PLA2G4A: variants seen among roughly 807,000 people sequenced by gnomAD.
PLA2G4A encodes the protein cytosolic phospholipase A2.
Under a neutral mutation model 81.9 loss-of-function variants are expected in PLA2G4A, and 40 were observed. The ratio of observed to expected loss-of-function variants is 0.49; its 90% CI spans 0.38 to 0.64. PLA2G4A has a LOEUF of 0.64. Among genes scored for constraint, PLA2G4A ranks in the 30% least tolerant of loss-of-function variants. The probability of loss-of-function intolerance (pLI) is 0.00; values close to 1 mark genes in which losing one functional copy is unlikely to be tolerated. For missense variants in PLA2G4A, 715 were observed against 905.1 expected (o/e 0.79, Z 2.69); for synonymous variants, 302 against 296.9 (o/e 1.02, Z -0.18).
rs115733525 is a variant in PLA2G4A at position 186,984,398 on chromosome 1, A to G, written c.2119-3979A>G. On this transcript the variant is annotated intron_variant, in intron 17 of 17. Transcript: ENST00000367466. ...ATGGTTTCCCAGTCTCACTTATTCAAATTATTAATTTGATAGGCATAGTCT... is the reference window on the plus strand; with the variant it reads ...ATGGTTTCCCAGTCTCACTTATTCAGATTATTAATTTGATAGGCATAGTCT... 6.5e-3 allele frequency among the ~76,000 whole-genome samples: 993 copies of G among 152,296 alleles called. 17 individuals carry two copies. The highest frequency in any genetic ancestry group is 0.023 in the African/African-American group (965 of 41,564).
At chr1:186,962,418 A>G (rs1459370730) in intron 14 of PLA2G4A, among the ~76,000 whole-genome samples, 1 of 152,052 alleles carries the variant, frequency 6.6e-6, no homozygotes, top group African/African-American at 2.4e-5. Context: ...TAAAATACAC[A>G]TATTAATGTG....
At chr1:186,900,131 G>A (rs185789220) in intron 5 of PLA2G4A, among the ~76,000 whole-genome samples, 2 of 152,176 alleles carry the variant, frequency 1.3e-5, no homozygotes, top group East Asian at 3.9e-4. Context: ...AGAGATGCTG[G>A]CACAACCTGC....
intron 1 of PLA2G4A, among the ~76,000 whole-genome samples, chr1:186,844,615 A>G (rs1172838372): frequency 6.6e-6 from 1 of 152,126 alleles, no homozygotes; most frequent in Non-Finnish European, 1.5e-5. Flanking sequence ...GCTGGGTCAA[A>G]TGGTATTTCT....
At chr1:186,957,220 T>C (rs1454804035) in intron 14 of PLA2G4A, among the ~76,000 whole-genome samples, 2 of 152,180 alleles carry the variant, frequency 1.3e-5, no homozygotes, top group East Asian at 3.8e-4. Flanking sequence ...CACAGTTCAG[T>C]TGCAGAAATT....
intron 3 of PLA2G4A, among the ~76,000 whole-genome samples, chr1:186,875,059 C>T (rs1164745343): frequency 6.6e-6 from 1 of 151,994 alleles, no homozygotes; most frequent in Non-Finnish European, 1.5e-5. Context: ...GATTTTGATT[C>T]TGTAGGTTTG....
At chr1:186,935,562 T>C (rs1330731947) in intron 8 of PLA2G4A, among the ~76,000 whole-genome samples, 1 of 151,634 alleles carries the variant, frequency 6.6e-6, no homozygotes, top group Non-Finnish European at 1.5e-5. Flanking sequence ...AGAAAAAGAC[T>C]CCTGCAGAGA....
intron 1 of PLA2G4A, among the ~76,000 whole-genome samples, chr1:186,845,037 C>T (rs1015562256): frequency 6.6e-6 from 1 of 151,980 alleles, no homozygotes; most frequent in Non-Finnish European, 1.5e-5. Flanking sequence ...TGGTGAAAAC[C>T]CATGTCTACT....
chr1:186,891,980 C>T (rs1654159696), intron 3 of PLA2G4A, among the ~76,000 whole-genome samples: 1 of 152,052 alleles, frequency 6.6e-6, no homozygotes, highest in Non-Finnish European at 1.5e-5. Context: ...TGGATATAAG[C>T]CATTTTATCC....
At chr1:186,970,185 T>A (rs1300923847) in intron 15 of PLA2G4A, among the ~76,000 whole-genome samples, 3 of 152,086 alleles carry the variant, frequency 2.0e-5, no homozygotes, top group Non-Finnish European at 2.9e-5. Context: ...TTTTTTCATA[T>A]TCCTGTTGGG....
chr1:186,862,138 A>T (rs1247963719), intron 2 of PLA2G4A, among the ~76,000 whole-genome samples: 1 of 151,036 alleles, frequency 6.6e-6, no homozygotes, highest in East Asian at 1.9e-4. Context: ...TTGCCTTTTT[A>T]TATATGAAGA....
chr1:186,938,968 G>T (rs764872489), intron 8 of PLA2G4A, 40 bp from the exon 9 acceptor site: 52 of 1,027,398 alleles, frequency 5.1e-5, no homozygotes, highest in Non-Finnish European at 6.2e-6. Flanking sequence ...GTTGTGTAAT[G>T]CTCTTTATCT....
chr1:186,865,666 AT>A (rs1247342764), intron 2 of PLA2G4A, among the ~76,000 whole-genome samples: 2 of 152,132 alleles, frequency 1.3e-5, no homozygotes, highest in Admixed American at 1.3e-4. Flanking sequence ...TGCATTCAGA[AT>A]CTACTTTATT....
intron 14 of PLA2G4A, among the ~76,000 whole-genome samples, chr1:186,957,824 T>C (rs922893706): frequency 2.0e-5 from 3 of 152,246 alleles, no homozygotes; most frequent in Admixed American, 1.3e-4. Context: ...CAATAATTTT[T>C]TGGTGATAAT....
intron 1 of PLA2G4A, among the ~76,000 whole-genome samples, chr1:186,850,519 GA>G (rs796495471): frequency 2.1e-4 from 1 of 4,812 alleles, no homozygotes; most frequent in East Asian, 3.7e-3. Context: ...TACAAGGTAA[GA>G]AGTCTTATAT....
In PLA2G4A at chr1:186,875,635, T is replaced by C. The variant is rs1189103487; in HGVS notation, c.115+5119T>C. 1.3e-5 allele frequency among the ~76,000 whole-genome samples: 2 copies of C among 152,208 alleles called. 1 individual carries two copies. The highest frequency in any genetic ancestry group is 4.1e-4 in the South Asian group (2 of 4,830). ...TACCTTCCACAAATAGTTTAATATATAATTCTCTTTCAGCTTAATTGGTGA... is the reference window on the plus strand; with the variant it reads ...TACCTTCCACAAATAGTTTAATATACAATTCTCTTTCAGCTTAATTGGTGA... On this transcript the variant is annotated intron_variant, in intron 3 of 17. Transcript: ENST00000367466.
chr1:186,980,781 G>T (rs1657696259), intron 17 of PLA2G4A, among the ~76,000 whole-genome samples: 1 of 150,956 alleles, frequency 6.6e-6, no homozygotes, highest in East Asian at 2.0e-4. Context: ...TTTAATTTTT[G>T]TAAATGTGTA....
chr1:186,940,084 G>A lies in PLA2G4A; in HGVS notation c.1023G>A (p.Leu341=). 1 of 1,563,122 alleles carries A rather than the reference G, an allele frequency of 6.4e-7. No homozygotes were observed. Among genetic ancestry groups the A allele is most frequent in the Non-Finnish European group, 8.8e-7 (1 of 1,133,532 alleles). ...CLHVKPDVSE[L]MFADWVEFSP... ...ATGTCAAACCTGACGTTTCAGAGCT[G>A]ATGTTTGCAGGTATGCTGTTTCCTT... Residue 341 remains leucine, a synonymous_variant, in exon 10 of 18, where the codon CTG becomes CTA. Transcript: ENST00000367466.
intron 7 of PLA2G4A, among the ~76,000 whole-genome samples, chr1:186,914,441 C>A (rs982280091): frequency 2.4e-4 from 36 of 148,082 alleles, no homozygotes; most frequent in Non-Finnish European, 4.8e-4. Flanking sequence ...TTTGTTTGGC[C>A]GGGAGCATCG....
At chr1:186,841,706 T>G (rs1427547493) in intron 1 of PLA2G4A, among the ~76,000 whole-genome samples, 1 of 152,074 alleles carries the variant, frequency 6.6e-6, no homozygotes, top group East Asian at 1.9e-4. Flanking sequence ...GAATGGAAAA[T>G]AACAGCAAAC....
Sources: gnomAD v4.1 joint callset for allele counts (sites outside exome capture counted in the v4.1 genomes callset) on GRCh38, gnomAD v4.1.1 for gene constraint, MANE v1.5 for transcripts, NCBI Gene and HGNC (gene_info 2026-07-23, HGNC 2026-07-21) for gene names.